ARHGEF11: variants seen among roughly 807,000 people sequenced by gnomAD.
ARHGEF11 encodes the protein Rho guanine nucleotide exchange factor 11, also known as Rho guanine exchange factor (GEF) 11.
ARHGEF11 carries 55 observed loss-of-function variants against 193.7 expected under a neutral mutation model. The ratio of observed to expected loss-of-function variants is 0.28; its 90% confidence interval spans 0.23 to 0.36. The LOEUF is 0.36. Ranked by LOEUF, ARHGEF11 falls within the 10% of genes least tolerant of loss-of-function variation. ARHGEF11 has a pLI of 1.00. For missense variants in ARHGEF11, 1,723 were observed against 2,005.6 expected, an observed-to-expected ratio of 0.86 and a Z score of 2.69; for synonymous variants, 693 against 768.0, an observed-to-expected ratio of 0.90 and a Z score of 1.62.
intron 11 of ARHGEF11, among the ~76,000 whole-genome samples, chr1:156,964,822 G>A (rs946346054): frequency 6.6e-6 from 1 of 152,166 alleles, no homozygotes; most frequent in African/African-American, 2.4e-5. Flanking sequence ...TGGGGTCTGA[G>A]AGCCCCAGAA....
At chr1:156,978,162 C>CAGGACATTT (rs1663535410) in intron 6 of ARHGEF11, 42 bp downstream of exon 6, 2 of 1,612,580 alleles carry the variant, frequency 1.2e-6, no homozygotes, top group Admixed American at 1.7e-5. Context: ...AGCTTTTCAA[C>CAGGACATTT]AGGACATTAG....
At chr1:156,983,282 G>A (rs538853602) in intron 3 of ARHGEF11, among the ~76,000 whole-genome samples, 164 of 152,264 alleles carry the variant, frequency 1.1e-3, no homozygotes, top group African/African-American at 3.7e-3. Flanking sequence ...AAGTGCAGTG[G>A]CACGATCTTG....
intron 1 of ARHGEF11, among the ~76,000 whole-genome samples, chr1:156,993,166 G>GGTT (rs1298466098): frequency 6.6e-6 from 1 of 152,186 alleles, no homozygotes; most frequent in Non-Finnish European, 1.5e-5. Flanking sequence ...TGAACAGAGA[G>GGTT]GTTAAATAAA....
chr1:157,020,532 T>TA (rs2102898974), intron 1 of ARHGEF11, among the ~76,000 whole-genome samples: 1 of 152,330 alleles, frequency 6.6e-6, no homozygotes, highest in South Asian at 2.1e-4. Flanking sequence ...AAAATCACAA[T>TA]ATGTACATAC....
At position 156,937,283 on chromosome 1, in the gene ARHGEF11, A is replaced by G; in HGVS notation, c.4406T>C (p.Ile1469Thr). ...GTTGAGCTTGAGAGTGAGCTGCTCAATGGTATGGAAGATCATGCCCACGTC... is the reference window on the plus strand; with the variant it reads ...GTTGAGCTTGAGAGTGAGCTGCTCAGTGGTATGGAAGATCATGCCCACGTC... The part of the protein sequence containing the change: ...LRDVGMIFHT[I>T]EQLTLKLNRL... The change falls in exon 39 of 41, where the codon ATT (isoleucine) becomes ACT (threonine). Residue 1469 changes from isoleucine (I) to threonine (T), a missense_variant. Around this residue, in one of 5 missense-constraint regions of ARHGEF11, gnomAD observed 360 missense variants for 344.4 expected, o/e 1.05. Transcript: ENST00000368194. 1 of 1,613,916 alleles carries G rather than the reference A, an allele frequency of 6.2e-7. No individual in the cohort carries two copies. The highest frequency in any genetic ancestry group is 8.5e-7 in the Non-Finnish European group (1 of 1,179,906).
At chr1:156,955,922 C>T in intron 19 of ARHGEF11, 123 bp from the exon 20 acceptor site, 1 of 769,526 alleles carries the variant, frequency 1.3e-6, no homozygotes, top group Non-Finnish European at 2.3e-6. Flanking sequence ...CTGACTCTTG[C>T]TGGTACCCTA....
intron 1 of ARHGEF11, among the ~76,000 whole-genome samples, chr1:157,004,799 T>A (rs1333076072): frequency 6.6e-6 from 1 of 152,248 alleles, no homozygotes; most frequent in Non-Finnish European, 1.5e-5. Flanking sequence ...AAAGATGACA[T>A]CAGGAAGGAA....
chr1:156,968,899 T>A (rs1662115109), intron 10 of ARHGEF11, among the ~76,000 whole-genome samples: 1 of 152,230 alleles, frequency 6.6e-6, no homozygotes, highest in Non-Finnish European at 1.5e-5. Context: ...TAGGTTGGGT[T>A]CACTGTATTA....
chr1:156,957,040 T>G (rs953863077), intron 18 of ARHGEF11, among the ~76,000 whole-genome samples: 5 of 152,016 alleles, frequency 3.3e-5, no homozygotes, highest in African/African-American at 1.2e-4. Flanking sequence ...GCCTTCACCA[T>G]CCTCCCACCC....
chr1:157,012,382 G>A (rs1291538027), intron 1 of ARHGEF11, among the ~76,000 whole-genome samples: 1 of 152,110 alleles, frequency 6.6e-6, no homozygotes, highest in Non-Finnish European at 1.5e-5. Context: ...TTGGGATACT[G>A]AAAAATTCTA....
Position 156,948,475 on chromosome 1 carries a change from C to A in ARHGEF11, c.1949G>T (p.Gly650Val). The change falls in exon 23 of 41, where the codon GGC (glycine) becomes GTC (valine). Residue 650 changes from glycine (G) to valine (V), a missense_variant. This residue lies in a region of ARHGEF11 where 491 missense variants were observed against 654.5 expected (regional missense o/e 0.75). Coordinates refer to ENST00000368194, the MANE Select transcript of ARHGEF11 (RefSeq NM_198236.3). This position sits in a 1 kb window ranked among gnomAD's most constrained non-coding sequence, Gnocchi z 4.2. ...SDSSRSEIRL[G>V]RSESLKGREE... is the part of the protein sequence containing the mutation. ...CCGGCCCTTGAGGCTTTCAGAGCGG[C>A]CCAGGCGAATCTCTGAGCGTGAACT... 6.2e-7 allele frequency: 1 copy of A among 1,614,188 alleles called. No homozygotes were observed. Among genetic ancestry groups the A allele is most frequent in the South Asian group, 1.1e-5 (1 of 91,088 alleles).
chr1:156,936,497 A>AATATATATATAT (rs1553192804), intron 40 of ARHGEF11, among the ~76,000 whole-genome samples: 68 of 33,894 alleles, frequency 2.0e-3, no homozygotes, highest in South Asian at 4.9e-3. Flanking sequence ...AAAAAAAAAA[A>AATATATATATAT]ATATATATAT....
Position 156,935,403 on chromosome 1 carries a change from T to G in ARHGEF11, c.*597A>C, listed in dbSNP as rs1654872138. ...AGGCTCGATCCTGGAACTGGGTTGT[T>G]AACTAAGGAGATACAAGTGAAACCC... On this transcript the variant is annotated 3_prime_UTR_variant, in exon 41 of 41. Transcript: ENST00000368194. The G allele has an allele frequency of 6.6e-6, 1 of 152,214 alleles. No individual in the cohort carries two copies. The highest frequency in any genetic ancestry group is 2.1e-4 in the South Asian group (1 of 4,830). The allele number at this position is 152,214 out of a possible 1,614,324, so 9.4% of individuals were successfully genotyped here.
At chr1:156,960,668 T>C (rs561039788) in intron 14 of ARHGEF11, among the ~76,000 whole-genome samples, 181 of 152,328 alleles carry the variant, frequency 1.2e-3, no homozygotes, top group Non-Finnish European at 2.0e-3. Flanking sequence ...CAGAGCAAGC[T>C]GGTACTATAT....
At chr1:156,964,051 A>T (rs1661358035) in intron 11 of ARHGEF11, among the ~76,000 whole-genome samples, 1 of 152,192 alleles carries the variant, frequency 6.6e-6, no homozygotes, top group African/African-American at 2.4e-5. Flanking sequence ...TGTGCCTAGT[A>T]AGTACTGGTG....
At chr1:157,014,220 A>G (rs570995570) in intron 1 of ARHGEF11, among the ~76,000 whole-genome samples, 1 of 152,270 alleles carries the variant, frequency 6.6e-6, no homozygotes, top group Non-Finnish European at 1.5e-5. Context: ...CATAAAAATA[A>G]CTGGAGCCTT....
At position 156,946,704 on chromosome 1, in the gene ARHGEF11, C is replaced by T; in HGVS notation, c.2652G>A (p.Lys884=). Residue 884 remains lysine (K), a synonymous_variant, in exon 28 of 41, where the codon AAG becomes AAA. Transcript: ENST00000368194. The part of the protein sequence containing the change: ...SYQSIALELI[K]TKQRKESRFQ... ...ATCGACTCTCCTTGCGTTGCTTGGT[C>T]TTGATTAGCTCTAGGGCTATTGACT... The T allele has an allele frequency of 6.2e-7, 1 of 1,614,192 alleles. No individual in the cohort carries two copies. The highest frequency in any genetic ancestry group is 8.5e-7 in the Non-Finnish European group (1 of 1,180,026).
chr1:157,043,906 C>T (rs980042266), intron 1 of ARHGEF11, among the ~76,000 whole-genome samples: 1 of 152,216 alleles, frequency 6.6e-6, no homozygotes, highest in Non-Finnish European at 1.5e-5. Flanking sequence ...CAGGGCCCTT[C>T]TCCCAGCAGC....
At chr1:156,976,009 A>G (rs1275798756) in intron 7 of ARHGEF11, among the ~76,000 whole-genome samples, 2 of 152,190 alleles carry the variant, frequency 1.3e-5, no homozygotes, top group African/African-American at 4.8e-5. Flanking sequence ...ATAATATAGT[A>G]TATCTTCATT....
Sources: allele counts gnomAD v4.1 joint callset (sites outside exome capture counted in the v4.1 genomes callset), GRCh38; gene constraint gnomAD v4.1.1; regional missense constraint gnomAD v4.1.1; non-coding constraint Gnocchi (gnomAD v3.1); transcripts MANE v1.5; gene names NCBI Gene and HGNC (gene_info 2026-07-23, HGNC 2026-07-21).